C2CD3: variants seen among roughly 807,000 people sequenced by gnomAD.
The protein encoded by C2CD3 is C2 domain containing 3 centriole elongation regulator.
A neutral mutation model predicts 234.0 loss-of-function variants in C2CD3; 148 were observed. The ratio of observed to expected loss-of-function variants is 0.63; its 90% CI spans 0.55 to 0.72. The LOEUF is 0.72. Ranked by LOEUF, C2CD3 falls within the 30% of genes least tolerant of loss-of-function variation. The pLI, the probability that C2CD3 is intolerant of heterozygous loss-of-function variation, is 0.00. For synonymous variants in C2CD3, 1,000 were observed against 1,035.4 expected (o/e 0.97, Z 0.66); for missense variants, 2,577 against 2,811.5 (o/e 0.92, Z 1.89).
intron 24 of C2CD3, among the ~76,000 whole-genome samples, chr11:74,066,215 C>T (rs1020671494): frequency 1.7e-5 from 2 of 118,658 alleles, no homozygotes; most frequent in Non-Finnish European, 3.2e-5. Flanking sequence ...CCAAACACCA[C>T]ATGTTCTCAC....
At chr11:74,142,711 G>T (rs1454901870) in intron 3 of C2CD3, among the ~76,000 whole-genome samples, 1 of 151,998 alleles carries the variant, frequency 6.6e-6, no homozygotes, top group African/African-American at 2.4e-5. Context: ...GAGGCAGAGG[G>T]AAAAGTATTG....
intron 32 of C2CD3, among the ~76,000 whole-genome samples, chr11:74,019,486 G>C (rs530992319): frequency 1.4e-4 from 21 of 152,176 alleles, no homozygotes; most frequent in African/African-American, 4.6e-4. Flanking sequence ...GAGGCAATAG[G>C]TCAGGACCTC....
intron 9 of C2CD3, among the ~76,000 whole-genome samples, chr11:74,117,493 A>G (rs1230112918): frequency 6.6e-6 from 1 of 150,946 alleles, no homozygotes; most frequent in Non-Finnish European, 1.5e-5. Flanking sequence ...TCAGGAACAG[A>G]AAACCAAATA....
chr11:74,113,716 A>T, intron 11 of C2CD3, 64 bp downstream of exon 11: 1 of 873,282 alleles, frequency 1.1e-6, no homozygotes, highest in Non-Finnish European at 1.9e-6. Context: ...ATGAGTAATT[A>T]GGAATTCAAA....
At position 74,048,182 on chromosome 11, in the gene C2CD3, CTCA is replaced by C. The variant is rs1290109142; in HGVS notation, c.5495+20_5495+22del. 5 of 1,609,668 alleles carry C rather than the reference CTCA, an allele frequency of 3.1e-6. No homozygotes were observed. The highest frequency in any genetic ancestry group is 2.7e-5 in the African/African-American group (2 of 74,814). ...CTTCCATTTTTTAACCCCATTTCTT[CTCA>C]TCATCAAGAATTCACTCACCTCCCA... On this transcript the variant is annotated intron_variant, in intron 28 of 32. Coordinates refer to ENST00000334126, the MANE Select transcript of C2CD3 (RefSeq NM_001286577.2).
At chr11:74,133,000 T>G (rs745866442) in intron 6 of C2CD3, 28 bp from the exon 7 acceptor site, 15 of 1,610,578 alleles carry the variant, frequency 9.3e-6, no homozygotes, top group Non-Finnish European at 1.3e-5. Flanking sequence ...ACTTTCTCAC[T>G]GAGTGGCTAA....
intron 18 of C2CD3, 109 bp from the exon 19 acceptor site, chr11:74,092,697 T>C (rs1955942905): frequency 3.4e-6 from 3 of 880,846 alleles, no homozygotes; most frequent in Non-Finnish European, 5.2e-6. Flanking sequence ...CTGATTGTTC[T>C]GTGTTGGTAG....
chr11:74,103,320 T>C lies in C2CD3; in HGVS notation c.2391A>G (p.Thr797=). 1.2e-6 allele frequency: 2 copies of C among 1,614,248 alleles called. No individual in the cohort carries two copies. The highest frequency in any genetic ancestry group is 1.7e-6 in the Non-Finnish European group (2 of 1,180,046). ...GCAACAGCAAAGCACTCTCTTTTGT[T>C]GTCCCATTTGTCTGATTGACTAAAT... ...SHNLVNQTNG[T]TKESALLLHV... is the part of the protein sequence containing the mutation. Residue 797 remains threonine, a synonymous_variant, in exon 14 of 33, where the codon ACA becomes ACG. Coordinates refer to ENST00000334126, the MANE Select transcript of C2CD3 (RefSeq NM_001286577.2).
chr11:74,054,675 T>G lies in C2CD3; in HGVS notation c.5091-4A>C. 6.2e-7 allele frequency: 1 copy of G among 1,606,886 alleles called. No homozygotes were observed. The highest frequency in any genetic ancestry group is 8.5e-7 in the Non-Finnish European group (1 of 1,175,860). On this transcript the variant is annotated splice_polypyrimidine_tract_variant and splice_region_variant and intron_variant, in intron 25 of 32. Transcript: ENST00000334126. The stretch of plus-strand genomic sequence containing the variant: ...CAGAAGCAGCTCTTTTGATAGCCTA[T>G]TAAGAAAAACAACCACTGTAAACTA...
chr11:74,081,019 C>A (rs1380964470), intron 22 of C2CD3, among the ~76,000 whole-genome samples: 1 of 152,012 alleles, frequency 6.6e-6, no homozygotes, highest in Non-Finnish European at 1.5e-5. Context: ...TAGGGTAGTG[C>A]TCAAATACTA....
At chr11:74,112,451 A>T (rs1212286622) in intron 11 of C2CD3, among the ~76,000 whole-genome samples, 2 of 152,172 alleles carry the variant, frequency 1.3e-5, no homozygotes, top group East Asian at 3.8e-4. Flanking sequence ...AAAAACAGAT[A>T]AACTAGAGTA....
chr11:74,153,812 G>A, intron 3 of C2CD3, among the ~76,000 whole-genome samples: 1 of 152,046 alleles, frequency 6.6e-6, no homozygotes, highest in Non-Finnish European at 1.5e-5. Context: ...GTAATACAGT[G>A]TTGCTATCCT....
intron 22 of C2CD3, among the ~76,000 whole-genome samples, chr11:74,082,820 T>C (rs927738195): frequency 2.0e-5 from 3 of 152,196 alleles, no homozygotes; most frequent in African/African-American, 7.2e-5. Flanking sequence ...GAACATTCCA[T>C]GCTCATGGAT....
Position 74,013,372 on chromosome 11 carries a change from C to A in C2CD3, c.*13G>T. The stretch of plus-strand genomic sequence containing the variant: ...GGGCAGGTGTCTCCTTCCCCCCAGC[C>A]CCTCAGGCTGCGTCAGTCTTTCTGG... On this transcript the variant is annotated 3_prime_UTR_variant, in exon 33 of 33. Transcript: ENST00000334126. 1 of 892,184 alleles carries A rather than the reference C, an allele frequency of 1.1e-6. No homozygotes were observed. The highest frequency in any genetic ancestry group is 1.6e-6 in the Non-Finnish European group (1 of 639,720). 55.3% of individuals were successfully genotyped at this position (892,184 alleles called of 1,614,324 possible). A position where few individuals can be genotyped will look rare whatever the true frequency, so the allele number is the denominator to read the frequency against.
At chr11:74,133,098 T>G (rs1207597035) in intron 6 of C2CD3, 126 bp from the exon 7 acceptor site, 6 of 856,124 alleles carry the variant, frequency 7.0e-6, no homozygotes, top group Non-Finnish European at 1.1e-5. Flanking sequence ...TTAACTGCCT[T>G]AAATAAAACT....
intron 24 of C2CD3, among the ~76,000 whole-genome samples, chr11:74,059,410 CAAAAAAAAAAAA>C (rs57052333): frequency 6.7e-5 from 2 of 29,958 alleles, no homozygotes; most frequent in Admixed American, 3.2e-4. Context: ...GACTCTGTCT[CAAAAAAAAAAAA>C]AAAAAAAAAA....
rs189423992 is a variant in C2CD3, at chr11:74,082,501, T to C, written c.4000+2380A>G. 3.2e-3 allele frequency among the ~76,000 whole-genome samples: 491 copies of C among 152,304 alleles called. 3 individuals are homozygous for C. The Middle Eastern group carries it at 0.034, about 11-fold the overall frequency. ...TGAGAGTTTTTAGCATGAAGGGCTG[T>C]TGAATTTTGTCAAAGGCCTTTTCTG... On this transcript the variant is annotated intron_variant, in intron 22 of 32. Transcript: ENST00000334126.
Position 74,034,102 on chromosome 11 carries a change from A to G in C2CD3, c.6058T>C (p.Ser2020Pro), listed in dbSNP as rs826071. The G allele has an allele frequency of 0.042, 64,009 of 1,535,882 alleles. 9,176 individuals carry two copies. In the African/African-American group the frequency reaches 0.48, roughly 12 times the overall value. The change falls in exon 31 of 33, where the codon TCA becomes CCA. Residue 2020 changes from serine to proline, a missense_variant. By Grantham distance (74) the Ser-to-Pro change is moderately conservative. Transcript: ENST00000334126. ...GAAGTCTCTTCGAGAGGAGGGGGTG[A>G]TGGGGAATCTGTGCCTTTATCTGGA... Reference protein sequence around the residue: ...RAPDKGTDSPSPPPLEETSNG... With the variant: ...RAPDKGTDSPPPPPLEETSNG...
chr11:74,045,134 C>CA (rs1174722613), intron 28 of C2CD3, among the ~76,000 whole-genome samples: 1 of 152,146 alleles, frequency 6.6e-6, no homozygotes, highest in African/African-American at 2.4e-5. Context: ...CAATCACTTG[C>CA]ATGTGGATAC....
Sources: gnomAD v4.1 joint callset for allele counts (sites outside exome capture counted in the v4.1 genomes callset) on GRCh38, gnomAD v4.1.1 for gene constraint, MANE v1.5 for transcripts, NCBI Gene and HGNC (gene_info 2026-07-23, HGNC 2026-07-21) for gene names.